CTTNBP2: variants seen among roughly 807,000 people sequenced by gnomAD.
CTTNBP2 encodes cortactin binding protein 2.
Under a neutral mutation model 156.9 loss-of-function variants are expected in CTTNBP2, and 108 were observed. The ratio of observed to expected loss-of-function variants is 0.69; its 90% CI spans 0.59 to 0.81. The LOEUF is 0.81. Among genes scored for constraint, CTTNBP2 ranks in the 30% least tolerant of loss-of-function variants. The pLI is 0.00. For missense variants in CTTNBP2, 1,924 were observed against 2,035.4 expected (o/e 0.95, Z 1.05); for synonymous variants, 767 against 751.8 (o/e 1.02, Z -0.33).
chr7:117,806,544 A>G lies in CTTNBP2; in HGVS notation c.414+4221T>C, dbSNP rs546358237. 7.9e-5 allele frequency among the ~76,000 whole-genome samples: 12 copies of G among 152,250 alleles called. No individual in the cohort carries two copies. In the South Asian group the frequency reaches 1.2e-3, roughly 16 times the overall value. ...TCTGCTCAATCTGATAAACAAATAC[A>G]TAACAACAAGATATATTAAGAGATC... On this transcript the variant is annotated intron_variant, in intron 3 of 22. Coordinates refer to ENST00000160373, the MANE Select transcript of CTTNBP2 (RefSeq NM_033427.3).
At chr7:117,757,051 C>T (rs1163052024) in intron 11 of CTTNBP2, among the ~76,000 whole-genome samples, 1 of 152,208 alleles carries the variant, frequency 6.6e-6, no homozygotes, top group African/African-American at 2.4e-5. Flanking sequence ...ACCGTTAGGT[C>T]CACTGGCAAT....
intron 2 of CTTNBP2, among the ~76,000 whole-genome samples, chr7:117,828,156 T>C (rs1449712250): frequency 2.0e-5 from 3 of 152,210 alleles, no homozygotes; most frequent in African/African-American, 7.2e-5. Flanking sequence ...ATTCAAACCC[T>C]GCCAGTAATT....
chr7:117,799,365 C>T (rs1467252330), intron 3 of CTTNBP2, among the ~76,000 whole-genome samples: 9 of 151,766 alleles, frequency 5.9e-5, no homozygotes, highest in Admixed American at 5.9e-4. Context: ...ATTTGAAAAT[C>T]AATCTGTGTA....
chr7:117,868,630 A>G (rs545402203), intron 1 of CTTNBP2, among the ~76,000 whole-genome samples: 10 of 152,248 alleles, frequency 6.6e-5, no homozygotes, highest in Admixed American at 2.6e-4. Context: ...TGTCATCATC[A>G]TCGTCTCTCG....
At chr7:117,721,958 T>C (rs1030949492) in intron 19 of CTTNBP2, among the ~76,000 whole-genome samples, 1 of 152,224 alleles carries the variant, frequency 6.6e-6, no homozygotes, top group Non-Finnish European at 1.5e-5. Flanking sequence ...ATATTAATGT[T>C]GTCAACACAA....
chr7:117,859,630 T>C (rs1299055150), intron 2 of CTTNBP2, among the ~76,000 whole-genome samples: 1 of 152,326 alleles, frequency 6.6e-6, no homozygotes, highest in South Asian at 2.1e-4. Flanking sequence ...CATATGTTAG[T>C]TACATGCTGC....
At chr7:117,849,853 C>T (rs1040022278) in intron 2 of CTTNBP2, among the ~76,000 whole-genome samples, 1 of 152,160 alleles carries the variant, frequency 6.6e-6, no homozygotes, top group African/African-American at 2.4e-5. Context: ...TAGCTCTCTT[C>T]CACAAGATTA....
intron 7 of CTTNBP2, among the ~76,000 whole-genome samples, chr7:117,779,021 T>C (rs1798259517): frequency 6.6e-6 from 1 of 152,210 alleles, no homozygotes; most frequent in Admixed American, 6.5e-5. Flanking sequence ...TGTCCCTTTA[T>C]AATGTGGCTT....
intron 4 of CTTNBP2, among the ~76,000 whole-genome samples, chr7:117,787,133 C>G (rs1030931076): frequency 6.6e-6 from 1 of 152,134 alleles, no homozygotes. Flanking sequence ...AGGACTTCAT[C>G]ATGAGACTAT....
intron 14 of CTTNBP2, among the ~76,000 whole-genome samples, chr7:117,737,732 C>A (rs888614635): frequency 3.3e-5 from 5 of 152,094 alleles, no homozygotes; most frequent in Non-Finnish European, 1.5e-5. Context: ...CACCACCATG[C>A]CAAATACAAA....
intron 9 of CTTNBP2, among the ~76,000 whole-genome samples, chr7:117,766,424 T>C (rs1024993026): frequency 6.6e-6 from 1 of 152,238 alleles, no homozygotes; most frequent in Non-Finnish European, 1.5e-5. Flanking sequence ...ATGTATTAGG[T>C]TGAAGATAAA....
At chr7:117,738,852 A>C (rs1795845413) in intron 14 of CTTNBP2, among the ~76,000 whole-genome samples, 1 of 152,178 alleles carries the variant, frequency 6.6e-6, no homozygotes, top group Non-Finnish European at 1.5e-5. Context: ...GAAAGAGGCA[A>C]TATGCTCATT....
chr7:117,716,645 T>C lies in CTTNBP2; in HGVS notation c.4746+1373A>G, dbSNP rs528962968. 4.6e-5 allele frequency among the ~76,000 whole-genome samples: 7 copies of C among 152,294 alleles called. No individual in the cohort carries two copies. The East Asian group carries it at 1.3e-3, about 29-fold the overall frequency. On this transcript the variant is annotated intron_variant, in intron 22 of 22. Coordinates refer to ENST00000160373, the MANE Select transcript of CTTNBP2 (RefSeq NM_033427.3). ...CATCCTCCAAATTTTGCTGGGCTTCTAAATTGTTCCCAGTTGAACAAAAAA... is the reference window on the plus strand; with the variant it reads ...CATCCTCCAAATTTTGCTGGGCTTCCAAATTGTTCCCAGTTGAACAAAAAA...
At chr7:117,740,934 G>A (rs1256146934) in intron 14 of CTTNBP2, among the ~76,000 whole-genome samples, 1 of 152,210 alleles carries the variant, frequency 6.6e-6, no homozygotes, top group Non-Finnish European at 1.5e-5. Flanking sequence ...GGCAGTGGAG[G>A]TAGAGTGGGT....
At chr7:117,790,912 T>C (rs1651378452) in intron 4 of CTTNBP2, among the ~76,000 whole-genome samples, 1 of 151,924 alleles carries the variant, frequency 6.6e-6, no homozygotes, top group Admixed American at 6.6e-5. Context: ...AGAAAGCACT[T>C]AGCATAGCGA....
intron 2 of CTTNBP2, among the ~76,000 whole-genome samples, chr7:117,851,083 C>G (rs529213076): frequency 4.1e-4 from 62 of 152,196 alleles, no homozygotes; most frequent in Non-Finnish European, 1.5e-4. Flanking sequence ...TTAGGAGCAA[C>G]TATTTGCTGT....
At chr7:117,822,741 G>T (rs1419984795) in intron 2 of CTTNBP2, among the ~76,000 whole-genome samples, 1 of 152,162 alleles carries the variant, frequency 6.6e-6, no homozygotes, top group Non-Finnish European at 1.5e-5. Flanking sequence ...TTTAAATTAA[G>T]ACTTGTTTTA....
intron 2 of CTTNBP2, among the ~76,000 whole-genome samples, chr7:117,820,756 T>C (rs1800914768): frequency 6.6e-6 from 1 of 152,232 alleles, no homozygotes; most frequent in Non-Finnish European, 1.5e-5. Context: ...TTATAATAAG[T>C]GCTGAAATCA....
At chr7:117,804,642 C>T (rs923980587) in intron 3 of CTTNBP2, among the ~76,000 whole-genome samples, 1 of 152,194 alleles carries the variant, frequency 6.6e-6, no homozygotes, top group Non-Finnish European at 1.5e-5. Flanking sequence ...GAGCTGGAAG[C>T]TATTATTCTC....
Sources: allele counts gnomAD v4.1 joint callset (sites outside exome capture counted in the v4.1 genomes callset), GRCh38; gene constraint gnomAD v4.1.1; transcripts MANE v1.5; gene names NCBI Gene and HGNC (gene_info 2026-07-23, HGNC 2026-07-21).